The following SMOC2 variants were observed in gnomAD, a reference collection of about 807,000 sequenced individuals.
The protein encoded by SMOC2 is SPARC-related modular calcium-binding protein 2.
In SMOC2, 39 loss-of-function variants were observed where a neutral mutation model predicts 61.4. The observed-to-expected ratio is 0.64, with a 90% CI of 0.49 to 0.83. The LOEUF (loss-of-function observed/expected upper bound fraction) is 0.83, where lower values mean the gene tolerates loss of function less well. SMOC2 is among the 40% of genes least tolerant of loss of function. The probability of loss-of-function intolerance (pLI) is 0.00; values close to 1 mark genes in which losing one functional copy is unlikely to be tolerated. For synonymous variants in SMOC2, 247 were observed against 239.9 expected (o/e 1.03, Z -0.27); for missense variants, 556 against 592.9 (o/e 0.94, Z 0.65).
intron 2 of SMOC2, among the ~76,000 whole-genome samples, chr6:168,524,057 A>G (rs1164635858): frequency 6.6e-6 from 1 of 152,172 alleles, no homozygotes; most frequent in East Asian, 1.9e-4. Flanking sequence ...TATCAAGCAT[A>G]TAATGGCTTA....
chr6:168,446,331 C>T (rs551236612), intron 1 of SMOC2, among the ~76,000 whole-genome samples: 1 of 152,306 alleles, frequency 6.6e-6, no homozygotes, highest in East Asian at 1.9e-4. Context: ...CCATTGTACT[C>T]CAGCCTGGGT....
intron 1 of SMOC2, among the ~76,000 whole-genome samples, chr6:168,504,718 A>G (rs1196312235): frequency 6.6e-6 from 1 of 152,090 alleles, no homozygotes; most frequent in African/African-American, 2.4e-5. Flanking sequence ...CAGCGTGGTC[A>G]TTTGTGGATG....
chr6:168,467,906 T>C (rs1463131135), intron 1 of SMOC2, among the ~76,000 whole-genome samples: 2 of 152,232 alleles, frequency 1.3e-5, no homozygotes, highest in African/African-American at 4.8e-5. Context: ...TATTATTTGT[T>C]ATGCAAAAGG....
At chr6:168,506,502 C>T (rs1273547595) in intron 1 of SMOC2, among the ~76,000 whole-genome samples, 5 of 152,228 alleles carry the variant, frequency 3.3e-5, no homozygotes, top group Admixed American at 6.5e-5. Flanking sequence ...GTTTTGTAAA[C>T]GGTTTTTGTT....
At chr6:168,613,481 C>T (rs1785945215) in intron 9 of SMOC2, among the ~76,000 whole-genome samples, 1 of 152,142 alleles carries the variant, frequency 6.6e-6, no homozygotes, top group Non-Finnish European at 1.5e-5. Flanking sequence ...GGCACACAGT[C>T]TAAGAAATGG....
Position 168,589,309 on chromosome 6 carries a change from G to A in SMOC2, c.638-9509G>A, listed in dbSNP as rs79500297. Among the ~76,000 whole-genome samples the A allele has an allele frequency of 5.7e-3, 866 of 152,334 alleles. 12 individuals carry two copies. The highest frequency in any genetic ancestry group is 0.02 in the African/African-American group (817 of 41,574). The stretch of plus-strand genomic sequence containing the variant: ...ATGTTATGCATTTCTTTAAAAACAA[G>A]GTATGTCTGGGGCAGCATAGTGTTC... On this transcript the variant is annotated intron_variant, in intron 7 of 12. Coordinates refer to ENST00000356284, the MANE Select transcript of SMOC2 (RefSeq NM_001166412.2).
chr6:168,629,400 T>C (rs1053988949), intron 9 of SMOC2, among the ~76,000 whole-genome samples: 5 of 152,252 alleles, frequency 3.3e-5, no homozygotes, highest in Admixed American at 6.5e-5. Context: ...CCAGTGCTGC[T>C]GGCTGTCAAA....
At chr6:168,495,223 C>T (rs762166869) in intron 1 of SMOC2, among the ~76,000 whole-genome samples, 12 of 152,192 alleles carry the variant, frequency 7.9e-5, no homozygotes, top group African/African-American at 1.2e-4. Flanking sequence ...GAGGGACCTC[C>T]GGCCAAGGGA....
intron 1 of SMOC2, among the ~76,000 whole-genome samples, chr6:168,479,218 C>T (rs1254468466): frequency 1.3e-5 from 2 of 152,198 alleles, no homozygotes; most frequent in African/African-American, 4.8e-5. Context: ...TAGAACAGCC[C>T]TGGGTTACAG....
At chr6:168,629,548 T>C (rs983149794) in intron 9 of SMOC2, among the ~76,000 whole-genome samples, 1 of 152,252 alleles carries the variant, frequency 6.6e-6, no homozygotes, top group Non-Finnish European at 1.5e-5. Context: ...CTGGGATTAC[T>C]GTCCGCAAAT....
In SMOC2 at chr6:168,608,254, C is replaced by A. The variant is rs377559991; in HGVS notation, c.907+15C>A. 79 of 1,608,654 alleles carry A rather than the reference C, an allele frequency of 4.9e-5. No homozygotes were observed. Among genetic ancestry groups the A allele is most frequent in the Non-Finnish European group, 6.6e-5 (78 of 1,177,590 alleles). On this transcript the variant is annotated intron_variant, in intron 9 of 12. Transcript: ENST00000356284. ...CCAGCTACAAGGTGAGCAGCACCCG[C>A]GAGTGTGGCCCGAATCCACAGGCCC...
At chr6:168,481,150 G>C (rs1477027933) in intron 1 of SMOC2, among the ~76,000 whole-genome samples, 3 of 152,068 alleles carry the variant, frequency 2.0e-5, no homozygotes, top group Non-Finnish European at 4.4e-5. Context: ...AAGAAATAAA[G>C]ATCTCAGCAA....
chr6:168,586,538 C>T (rs542458016), intron 7 of SMOC2, among the ~76,000 whole-genome samples: 3 of 152,236 alleles, frequency 2.0e-5, no homozygotes, highest in Admixed American at 2.0e-4. Flanking sequence ...CCTAGGATTT[C>T]GGTAGGAATT....
At chr6:168,520,824 C>T (rs1478162605) in intron 2 of SMOC2, among the ~76,000 whole-genome samples, 4 of 152,158 alleles carry the variant, frequency 2.6e-5, no homozygotes, top group Non-Finnish European at 5.9e-5. Flanking sequence ...GACAGGAGTC[C>T]CTGAGAGAGG....
chr6:168,632,975 G>C (rs1041937903), intron 9 of SMOC2, among the ~76,000 whole-genome samples: 3 of 152,130 alleles, frequency 2.0e-5, no homozygotes, highest in Admixed American at 2.0e-4. Flanking sequence ...CTTCCCCAGG[G>C]GTCCTTGGCT....
In SMOC2 at chr6:168,652,848, A is replaced by C; in HGVS notation, c.1011-106A>C. ...CAGTGCTGCAGGCTGAGACACCAGGACCATGAGAACTACAAGCAGGGGTTA... is the reference window on the plus strand; with the variant it reads ...CAGTGCTGCAGGCTGAGACACCAGGCCCATGAGAACTACAAGCAGGGGTTA... On this transcript the variant is annotated intron_variant, in intron 10 of 12. Transcript: ENST00000356284. 7.3e-6 allele frequency: 7 copies of C among 961,846 alleles called. No homozygotes were observed. The South Asian group carries it at 1.1e-4, about 15-fold the overall frequency. 59.6% of individuals were successfully genotyped at this position (961,846 alleles called of 1,614,324 possible).
At chr6:168,504,868 C>T (rs1464619482) in intron 1 of SMOC2, among the ~76,000 whole-genome samples, 1 of 152,144 alleles carries the variant, frequency 6.6e-6, no homozygotes, top group African/African-American at 2.4e-5. Flanking sequence ...TAAGCTGGGT[C>T]TGACTTTTGA....
intron 1 of SMOC2, among the ~76,000 whole-genome samples, chr6:168,486,734 A>T (rs1329373047): frequency 1.3e-5 from 2 of 151,704 alleles, no homozygotes; most frequent in African/African-American, 4.8e-5. Flanking sequence ...TTCACATTCT[A>T]TTGTGGTTCA....
intron 7 of SMOC2, among the ~76,000 whole-genome samples, chr6:168,563,418 TAC>T (rs1301483717): frequency 1.3e-5 from 2 of 152,144 alleles, no homozygotes; most frequent in Admixed American, 6.5e-5. Context: ...CATATATATA[TAC>T]ACACACACGT....
Sources: gnomAD v4.1 joint callset for allele counts (sites outside exome capture counted in the v4.1 genomes callset) on GRCh38, gnomAD v4.1.1 for gene constraint, MANE v1.5 for transcripts, NCBI Gene and HGNC (gene_info 2026-07-23, HGNC 2026-07-21) for gene names.